Variants in ANKRD11 observed in about 807,000 individuals in gnomAD.
ANKRD11 encodes ankyrin repeat domain-containing protein 11.
Under a neutral mutation model 195.7 loss-of-function variants are expected in ANKRD11, and 17 were observed. The ratio of observed to expected loss-of-function variants is 0.09; its 90% CI spans 0.06 to 0.13. ANKRD11 has a LOEUF of 0.13. ANKRD11 is among the 10% of genes least tolerant of loss of function. The pLI is 1.00. For synonymous variants in ANKRD11, 1,953 were observed against 1,528.1 expected (o/e 1.28, Z -6.49); for missense variants, 3,735 against 3,566.1 (o/e 1.05, Z -1.21).
At chr16:89,438,915 G>A (rs1023494697) in intron 1 of ANKRD11, among the ~76,000 whole-genome samples, 1 of 151,928 alleles carries the variant, frequency 6.6e-6, no homozygotes, top group African/African-American at 2.4e-5. Context: ...AGGCTGAGAT[G>A]GGAGACTGCT....
chr16:89,414,687 G>C (rs936889557), intron 2 of ANKRD11, among the ~76,000 whole-genome samples: 1 of 152,180 alleles, frequency 6.6e-6, no homozygotes, highest in Non-Finnish European at 1.5e-5. Flanking sequence ...GCACCAGTCA[G>C]CCCATCACAC....
chr16:89,444,087 T>C (rs967103718), intron 1 of ANKRD11, among the ~76,000 whole-genome samples: 1 of 152,130 alleles, frequency 6.6e-6, no homozygotes, highest in African/African-American at 2.4e-5. Flanking sequence ...CTGAAATAAA[T>C]AACAACTCAC....
In ANKRD11 at chr16:89,267,795, TTA is replaced by T. The variant is rs1219011736; in HGVS notation, c.*681_*682del. ...TGTACAGCGTTTACGGATACACTTT[TTA>T]TATGATTATTGGCTCTGTAGTGTTT... On this transcript the variant is annotated 3_prime_UTR_variant, in exon 13 of 13. Transcript: ENST00000301030. The T allele has an allele frequency of 6.6e-6, 1 of 151,840 alleles. No individual in the cohort carries two copies. The highest frequency in any genetic ancestry group is 1.5e-5 in the Non-Finnish European group (1 of 67,984). The allele number at this position is 151,840 out of a possible 1,614,324, so 9.4% of individuals were successfully genotyped here. A position where few individuals can be genotyped will look rare whatever the true frequency, so the allele number is the denominator to read the frequency against.
chr16:89,372,380 C>A (rs954065923), intron 2 of ANKRD11, among the ~76,000 whole-genome samples: 1 of 152,118 alleles, frequency 6.6e-6, no homozygotes, highest in Non-Finnish European at 1.5e-5. Context: ...GTCACGGAGC[C>A]CCATGCTGCC....
chr16:89,428,623 T>C (rs1239770409), intron 1 of ANKRD11, among the ~76,000 whole-genome samples: 1 of 151,084 alleles, frequency 6.6e-6, no homozygotes, highest in Non-Finnish European at 1.5e-5. Flanking sequence ...AGGCCAGGCA[T>C]GGTGGCCCAT....
rs2151750232 is a variant in ANKRD11, at chr16:89,282,169, T to C, written c.4373A>G (p.Glu1458Gly). The C allele has an allele frequency of 2.5e-6, 4 of 1,614,142 alleles. No homozygotes were observed. Among genetic ancestry groups the C allele is most frequent in the Non-Finnish European group, 3.4e-6 (4 of 1,180,004 alleles). ...CCTGTGTTTCTCTCTCTTCTTCTTC[T>C]CTTTTAGGATGTTGATGGCACTAGA... Reference protein sequence around the residue: ...YGSSAINILKEKKKREKHREK... With the variant: ...YGSSAINILKGKKKREKHREK... The change falls in exon 9 of 13, where the codon GAG becomes GGG. Residue 1458 changes from glutamate to glycine, a missense_variant. Transcript: ENST00000301030.
At chr16:89,484,494 G>A (rs900802615) in intron 1 of ANKRD11, among the ~76,000 whole-genome samples, 1 of 152,098 alleles carries the variant, frequency 6.6e-6, no homozygotes, top group African/African-American at 2.4e-5. Flanking sequence ...AGCAGCCTAC[G>A]CAATCTTCCC....
intron 2 of ANKRD11, among the ~76,000 whole-genome samples, chr16:89,413,574 G>T (rs921548485): frequency 3.3e-5 from 5 of 152,124 alleles, no homozygotes; most frequent in African/African-American, 7.2e-5. Context: ...GCAGTGAGCC[G>T]AGGTCGCACC....
intron 2 of ANKRD11, among the ~76,000 whole-genome samples, chr16:89,374,136 C>G (rs140088599): frequency 0.011 from 1,604 of 152,304 alleles, 12 homozygotes; most frequent in Non-Finnish European, 0.015. Flanking sequence ...TCACCCTCCC[C>G]TCTCCCCATG....
intron 1 of ANKRD11, among the ~76,000 whole-genome samples, chr16:89,474,991 CCCTCT>C (rs1312285815): frequency 2.6e-5 from 4 of 152,228 alleles, no homozygotes; most frequent in Non-Finnish European, 5.9e-5. Context: ...GCCACCCCTG[CCCTCT>C]CCTCACCCCT....
chr16:89,298,844 G>A (rs1188353920), intron 4 of ANKRD11: 2 of 152,234 alleles, frequency 1.3e-5, no homozygotes, highest in East Asian at 1.9e-4. Context: ...AGAAATAGGA[G>A]GACCAGAGAC....
chr16:89,447,956 C>G (rs78150682), intron 1 of ANKRD11, among the ~76,000 whole-genome samples: 2 of 152,000 alleles, frequency 1.3e-5, no homozygotes, highest in African/African-American at 4.8e-5. Context: ...AGGCGCCCAC[C>G]ACCACGCCTG....
intron 2 of ANKRD11, among the ~76,000 whole-genome samples, chr16:89,338,336 G>T (rs910195032): frequency 1.3e-5 from 2 of 151,856 alleles, no homozygotes; most frequent in African/African-American, 4.8e-5. Flanking sequence ...GCTTACAGGG[G>T]TGCTGACAAA....
intron 2 of ANKRD11, chr16:89,370,733 C>A (rs1278191900): frequency 6.6e-6 from 1 of 152,388 alleles, no homozygotes; most frequent in Non-Finnish European, 1.5e-5. Flanking sequence ...ATCACGGTGA[C>A]TGCTGTGCTG....
intron 2 of ANKRD11, among the ~76,000 whole-genome samples, chr16:89,321,515 C>T (rs1303124819): frequency 6.6e-6 from 1 of 151,854 alleles, no homozygotes; most frequent in Non-Finnish European, 1.5e-5. Flanking sequence ...AGGGGCTGCC[C>T]AGGAGCACTC....
chr16:89,415,828 T>TAAAAAAAAAAAAAAAAAA (rs2042277127), intron 2 of ANKRD11, among the ~76,000 whole-genome samples: 1 of 21,728 alleles, frequency 4.6e-5, no homozygotes. Flanking sequence ...AGACTCTGTC[T>TAAAAAAAAAAAAAAAAAA]CAAAAAAAAA....
rs1336431815 is a variant in ANKRD11, at chr16:89,284,470, C to T, written c.2072G>A (p.Arg691His). 7 of 1,613,874 alleles carry T rather than the reference C, an allele frequency of 4.3e-6. No homozygotes were observed. Among genetic ancestry groups the T allele is most frequent in the South Asian group, 2.2e-5 (2 of 91,074 alleles). ...ENKLKVLKHD[R>H]DHFKKEEKLS... ...TTTCTCTTCTTTTTTAAAGTGGTCG[C>T]GATCGTGCTTTAACACTTTTAGCTT... Residue 691 changes from arginine to histidine, a missense_variant, in exon 9 of 13, where the codon CGC becomes CAC. Transcript: ENST00000301030.
intron 2 of ANKRD11, among the ~76,000 whole-genome samples, chr16:89,385,524 G>C (rs1282389959): frequency 6.6e-6 from 1 of 152,082 alleles, no homozygotes; most frequent in Non-Finnish European, 1.5e-5. Flanking sequence ...GACCCTGTGG[G>C]TATCCCTGTG....
chr16:89,423,558 A>G (rs2042598602), intron 1 of ANKRD11, among the ~76,000 whole-genome samples: 1 of 152,272 alleles, frequency 6.6e-6, no homozygotes, highest in Admixed American at 6.5e-5. Context: ...ATGTGTGGTT[A>G]GAGTTAACCT....
Sources: allele counts gnomAD v4.1 joint callset (sites outside exome capture counted in the v4.1 genomes callset), GRCh38; gene constraint gnomAD v4.1.1; transcripts MANE v1.5; gene names NCBI Gene and HGNC (gene_info 2026-07-23, HGNC 2026-07-21).